KATNAL1: variants seen among roughly 807,000 people sequenced by gnomAD.
The protein encoded by KATNAL1 is katanin catalytic subunit A1 like 1, also known as katanin p60 ATPase-containing subunit A-like 1.
Under a neutral mutation model 55.2 loss-of-function variants are expected in KATNAL1, and 32 were observed. The ratio of observed to expected loss-of-function variants is 0.58; its 90% CI spans 0.44 to 0.78. The LOEUF is 0.78. KATNAL1 is among the 30% of genes least tolerant of loss of function. The probability of loss-of-function intolerance (pLI) is 0.00; values close to 1 mark genes in which losing one functional copy is unlikely to be tolerated. For synonymous variants in KATNAL1, 193 were observed against 193.6 expected (o/e 1.00, Z 0.02); for missense variants, 466 against 600.9 (o/e 0.78, Z 2.35).
chr13:30,221,992 A>C (rs1036565713), intron 9 of KATNAL1, among the ~76,000 whole-genome samples: 2 of 152,226 alleles, frequency 1.3e-5, no homozygotes, highest in Admixed American at 1.3e-4. Context: ...CGGAGGTTGC[A>C]GTGAGGTAAG....
chr13:30,262,367 TC>T (rs1265171276), intron 3 of KATNAL1, among the ~76,000 whole-genome samples: 1 of 151,392 alleles, frequency 6.6e-6, no homozygotes, highest in Non-Finnish European at 1.5e-5. Flanking sequence ...ATAACTAAAA[TC>T]AGAGCAGAAC....
intron 3 of KATNAL1, among the ~76,000 whole-genome samples, chr13:30,271,648 T>C (rs1701618214): frequency 6.6e-6 from 1 of 152,022 alleles, no homozygotes; most frequent in African/African-American, 2.4e-5. Flanking sequence ...CCACCAACAT[T>C]AGAGATTACA....
chr13:30,279,156 C>T (rs1031629044), intron 3 of KATNAL1, among the ~76,000 whole-genome samples: 1 of 152,212 alleles, frequency 6.6e-6, no homozygotes, highest in African/African-American at 2.4e-5. Flanking sequence ...AACTCACATC[C>T]TGATCTAGCA....
At chr13:30,264,255 C>T (rs868034507) in intron 3 of KATNAL1, among the ~76,000 whole-genome samples, 1 of 147,540 alleles carries the variant, frequency 6.8e-6, no homozygotes, top group East Asian at 2.0e-4. Flanking sequence ...AAATGTTAGA[C>T]CTAAAACCAT....
At chr13:30,245,317 A>C (rs1262789892) in intron 4 of KATNAL1, among the ~76,000 whole-genome samples, 1 of 152,210 alleles carries the variant, frequency 6.6e-6, no homozygotes. Context: ...TGATAATCTC[A>C]ATACATGCAG....
At chr13:30,252,199 G>A (rs1020110607) in intron 4 of KATNAL1, among the ~76,000 whole-genome samples, 1 of 152,138 alleles carries the variant, frequency 6.6e-6, no homozygotes, top group African/African-American at 2.4e-5. Flanking sequence ...GAAAAATAAT[G>A]CTGAGCTCAC....
At chr13:30,236,801 A>G (rs1438224083) in intron 6 of KATNAL1, among the ~76,000 whole-genome samples, 3 of 152,156 alleles carry the variant, frequency 2.0e-5, no homozygotes, top group Non-Finnish European at 4.4e-5. Context: ...TAAACACTCT[A>G]TACTTCCAGC....
intron 1 of KATNAL1, chr13:30,296,734 A>G: frequency 1.9e-6 from 1 of 536,478 alleles, no homozygotes; most frequent in African/African-American, 1.9e-5. Flanking sequence ...AAACAAAATT[A>G]GGCTGGCCAA....
Position 30,208,413 on chromosome 13 carries a change from G to T in KATNAL1, c.*127C>A. 1 of 719,384 alleles carries T rather than the reference G, an allele frequency of 1.4e-6. No individual in the cohort carries two copies. Among genetic ancestry groups the T allele is most frequent in the Non-Finnish European group, 2.2e-6 (1 of 453,112 alleles). The allele number at this position is 719,384 out of a possible 1,614,324, so 44.6% of individuals were successfully genotyped here. On this transcript the variant is annotated 3_prime_UTR_variant, in exon 11 of 11. Coordinates refer to ENST00000380615, the MANE Select transcript of KATNAL1 (RefSeq NM_032116.5). ...ACATTTAGTATTCTTCGCAGTTTTA[G>T]ATTTTTTTTTCCTTTAAGCGAAAAC... is the stretch of plus-strand genomic sequence containing the variant.
intron 2 of KATNAL1, among the ~76,000 whole-genome samples, chr13:30,281,270 GA>G (rs1881293291): frequency 6.6e-6 from 1 of 150,980 alleles, no homozygotes; most frequent in Non-Finnish European, 1.5e-5. Context: ...ATATTAAAAG[GA>G]ACATATGAAG....
chr13:30,290,474 G>A (rs1287853533), intron 1 of KATNAL1, among the ~76,000 whole-genome samples: 2 of 152,172 alleles, frequency 1.3e-5, no homozygotes, highest in African/African-American at 2.4e-5. Flanking sequence ...AAGAGACAGA[G>A]TAGTTAATCG....
intron 9 of KATNAL1, among the ~76,000 whole-genome samples, chr13:30,218,205 A>AATATATATATATATATATAT (rs34056263): frequency 7.2e-6 from 1 of 139,508 alleles, no homozygotes; most frequent in African/African-American, 2.7e-5. Flanking sequence ...CAGTAAAAGG[A>AATATATATATATATATATAT]ATATATATAT....
rs537635231 is a variant in KATNAL1, at chr13:30,299,126, A to C, written c.-15+8205T>G. ...TGGAGACAATGAAATAATATCTTCC[A>C]AGGGGTAAGGGTGTAGGGGGTTGGC... is the stretch of plus-strand genomic sequence containing the variant. On this transcript the variant is annotated intron_variant, in intron 1 of 10. Coordinates refer to ENST00000380615, the MANE Select transcript of KATNAL1 (RefSeq NM_032116.5). Among the ~76,000 whole-genome samples, 173 of 152,292 alleles carry C rather than the reference A, an allele frequency of 1.1e-3. 2 individuals carry two copies. The highest frequency in any genetic ancestry group is 4.0e-3 in the African/African-American group (168 of 41,582).
intron 1 of KATNAL1, among the ~76,000 whole-genome samples, chr13:30,289,835 A>G (rs999157589): frequency 6.6e-6 from 1 of 152,256 alleles, no homozygotes; most frequent in African/African-American, 2.4e-5. Context: ...AAAAGCAATG[A>G]GAATGCCACA....
At chr13:30,225,600 G>A (rs1875380083) in intron 9 of KATNAL1, among the ~76,000 whole-genome samples, 1 of 151,268 alleles carries the variant, frequency 6.6e-6, no homozygotes, top group South Asian at 2.1e-4. Context: ...ACTCCTTTCA[G>A]TAAGTGATGA....
intron 5 of KATNAL1, 74 bp from the exon 6 acceptor site, chr13:30,240,639 A>AT (rs1045699775): frequency 3.3e-4 from 324 of 996,918 alleles, no homozygotes; most frequent in Middle Eastern, 4.2e-4. Context: ...AATTCTTTTA[A>AT]TTTTTTTTTA....
chr13:30,256,122 CA>C (rs2137464195), intron 3 of KATNAL1, among the ~76,000 whole-genome samples: 1 of 152,270 alleles, frequency 6.6e-6, no homozygotes, highest in African/African-American at 2.4e-5. Flanking sequence ...TTTCATTCAT[CA>C]AATTACAAAT....
intron 4 of KATNAL1, among the ~76,000 whole-genome samples, chr13:30,244,473 T>A (rs1048053426): frequency 3.3e-5 from 5 of 152,216 alleles, no homozygotes; most frequent in African/African-American, 1.2e-4. Flanking sequence ...AGGGTATTTC[T>A]GGTTCTAGAT....
chr13:30,238,530 C>T (rs1003978853), intron 6 of KATNAL1, among the ~76,000 whole-genome samples: 2 of 152,182 alleles, frequency 1.3e-5, no homozygotes, highest in African/African-American at 4.8e-5. Flanking sequence ...CATCATTCAT[C>T]CCCCTCTAAG....
Sources: allele counts gnomAD v4.1 joint callset (sites outside exome capture counted in the v4.1 genomes callset), GRCh38; gene constraint gnomAD v4.1.1; transcripts MANE v1.5; gene names NCBI Gene and HGNC (gene_info 2026-07-23, HGNC 2026-07-21).